AKAP6: variants seen among roughly 807,000 people sequenced by gnomAD.
AKAP6 encodes the protein A-kinase anchor protein 6.
Under a neutral mutation model 188.5 loss-of-function variants are expected in AKAP6, and 58 were observed. The ratio of observed to expected loss-of-function variants is 0.31; its 90% CI spans 0.25 to 0.38. AKAP6 has a LOEUF of 0.38. Among genes scored for constraint, AKAP6 ranks in the 10% least tolerant of loss-of-function variants. AKAP6 has a pLI of 1.00. For synonymous variants in AKAP6, 989 were observed against 998.6 expected (o/e 0.99, Z 0.18); for missense variants, 2,710 against 2,740.0 (o/e 0.99, Z 0.24).
chr14:32,609,014 T>TA (rs1338024257), intron 7 of AKAP6, among the ~76,000 whole-genome samples: 2 of 152,206 alleles, frequency 1.3e-5, no homozygotes, highest in African/African-American at 4.8e-5. Context: ...GTGTGTGACT[T>TA]ACACTTTTTC....
intron 2 of AKAP6, among the ~76,000 whole-genome samples, chr14:32,452,832 A>C (rs1181785172): frequency 6.6e-6 from 1 of 152,198 alleles, no homozygotes; most frequent in East Asian, 1.9e-4. Flanking sequence ...TTTTCTGTTC[A>C]AAATAGGAAT....
chr14:32,826,379 A>G (rs1035714849), intron 13 of AKAP6, among the ~76,000 whole-genome samples: 12 of 152,324 alleles, frequency 7.9e-5, no homozygotes, highest in African/African-American at 2.2e-4. Flanking sequence ...ATCAGTATGC[A>G]GTAAAACTGA....
intron 7 of AKAP6, among the ~76,000 whole-genome samples, chr14:32,666,884 C>T (rs1888964448): frequency 6.6e-6 from 1 of 151,996 alleles, no homozygotes; most frequent in Non-Finnish European, 1.5e-5. Flanking sequence ...GTATGCTCCT[C>T]TACTCATGTA....
intron 1 of AKAP6, among the ~76,000 whole-genome samples, chr14:32,334,575 A>G (rs762291625): frequency 6.6e-6 from 1 of 152,210 alleles, no homozygotes; most frequent in Non-Finnish European, 1.5e-5. Flanking sequence ...TAATCTATAA[A>G]TTAAACTTTA....
chr14:32,823,862 G>T lies in AKAP6; in HGVS notation c.6049G>T (p.Gly2017Cys). 1 of 1,613,654 alleles carries T rather than the reference G, an allele frequency of 6.2e-7. No individual in the cohort carries two copies. The highest frequency in any genetic ancestry group is 1.1e-5 in the South Asian group (1 of 91,064). The change falls in exon 13 of 14, where the codon GGT (glycine) becomes TGT (cysteine). Residue 2017 changes from glycine to cysteine, a missense_variant. By Grantham distance (159) the Gly-to-Cys change is radical (BLOSUM62 -3). Around this residue, in one of 2 missense-constraint regions of AKAP6, gnomAD observed 2,473 missense variants for 2,426.1 expected, o/e 1.02. Coordinates refer to ENST00000280979, the MANE Select transcript of AKAP6 (RefSeq NM_004274.5). The stretch of plus-strand genomic sequence containing the variant: ...ACCGAGTATGGCTGGAAAATCTGCT[G>T]GTTGTTGCCTAGCACTTGAACAAAA... ...DAPSMAGKSA[G>C]CCLALEQNGT... is the part of the protein sequence containing the mutation.
intron 4 of AKAP6, among the ~76,000 whole-genome samples, chr14:32,573,303 G>A (rs1057336019): frequency 3.9e-5 from 6 of 152,232 alleles, no homozygotes; most frequent in African/African-American, 7.2e-5. Flanking sequence ...GTGCAGTGGT[G>A]GCATTGGGTT....
intron 13 of AKAP6, among the ~76,000 whole-genome samples, chr14:32,829,371 G>A (rs1306988506): frequency 2.6e-5 from 4 of 152,112 alleles, no homozygotes; most frequent in Admixed American, 1.3e-4. Context: ...GGAATTGTTC[G>A]ATATCATGCA....
At chr14:32,443,426 C>A (rs1481075169) in intron 2 of AKAP6, among the ~76,000 whole-genome samples, 93 of 150,860 alleles carry the variant, frequency 6.2e-4, no homozygotes, top group Middle Eastern at 3.4e-3. Context: ...AACAAAAAAA[C>A]AAAAAAACCC....
chr14:32,510,161 C>A (rs774328906), intron 2 of AKAP6, among the ~76,000 whole-genome samples: 1 of 151,622 alleles, frequency 6.6e-6, no homozygotes, highest in South Asian at 2.1e-4. Flanking sequence ...GTTATTTTTT[C>A]CTCCCTCTGC....
At chr14:32,725,194 A>G (rs2030809247) in intron 9 of AKAP6, among the ~76,000 whole-genome samples, 1 of 152,058 alleles carries the variant, frequency 6.6e-6, no homozygotes, top group African/African-American at 2.4e-5. Context: ...GGTCTCAGTT[A>G]TGTTTGTAAA....
chr14:32,448,422 C>T (rs1370893120), intron 2 of AKAP6, among the ~76,000 whole-genome samples: 1 of 152,146 alleles, frequency 6.6e-6, no homozygotes, highest in Non-Finnish European at 1.5e-5. Flanking sequence ...GAGTGAGCTA[C>T]CTATCCTTTA....
At chr14:32,767,984 C>A (rs1393514760) in intron 11 of AKAP6, among the ~76,000 whole-genome samples, 2 of 152,176 alleles carry the variant, frequency 1.3e-5, no homozygotes, top group Non-Finnish European at 2.9e-5. Flanking sequence ...CTTCTCTTTG[C>A]CACCAGCTCT....
At chr14:32,534,979 A>G (rs1443384545) in intron 2 of AKAP6, among the ~76,000 whole-genome samples, 3 of 142,780 alleles carry the variant, frequency 2.1e-5, no homozygotes, top group Non-Finnish European at 4.5e-5. Context: ...AAAAAAAAAC[A>G]AAAACAAACC....
At chr14:32,413,224 C>T (rs1203909980) in intron 1 of AKAP6, among the ~76,000 whole-genome samples, 1 of 143,556 alleles carries the variant, frequency 7.0e-6, no homozygotes, top group Non-Finnish European at 1.5e-5. Flanking sequence ...CTTTGTTGCC[C>T]AGGCTGGAGT....
At chr14:32,697,321 T>C (rs1409322660) in intron 9 of AKAP6, among the ~76,000 whole-genome samples, 4 of 152,172 alleles carry the variant, frequency 2.6e-5, no homozygotes, top group Non-Finnish European at 5.9e-5. Context: ...CTCTAAAGAA[T>C]GCAGTCCAAC....
At chr14:32,734,238 T>G (rs910214395) in intron 10 of AKAP6, 2 of 152,060 alleles carry the variant, frequency 1.3e-5, no homozygotes, top group African/African-American at 4.8e-5. Flanking sequence ...TGAAAAAAAT[T>G]AAAGACAAGG....
At chr14:32,663,247 A>C (rs1399465808) in intron 7 of AKAP6, among the ~76,000 whole-genome samples, 1 of 152,096 alleles carries the variant, frequency 6.6e-6, no homozygotes, top group Non-Finnish European at 1.5e-5. Context: ...TCCCAGGCTC[A>C]CCTTATACTT....
chr14:32,402,844 C>T (rs1889143134), intron 1 of AKAP6, among the ~76,000 whole-genome samples: 1 of 152,070 alleles, frequency 6.6e-6, no homozygotes, highest in Non-Finnish European at 1.5e-5. Context: ...ATTCTCTTGC[C>T]TCAGCCTCCT....
chr14:32,354,870 C>T (rs2138463467), intron 1 of AKAP6, among the ~76,000 whole-genome samples: 1 of 152,338 alleles, frequency 6.6e-6, no homozygotes, highest in East Asian at 1.9e-4. Flanking sequence ...GGCAGCATGC[C>T]ATCCCGGGGA....
Sources: allele counts gnomAD v4.1 joint callset (sites outside exome capture counted in the v4.1 genomes callset), GRCh38; gene constraint gnomAD v4.1.1; regional missense constraint gnomAD v4.1.1; transcripts MANE v1.5; gene names NCBI Gene and HGNC (gene_info 2026-07-23, HGNC 2026-07-21).